PTPRD: variants seen among roughly 807,000 people sequenced by gnomAD.
PTPRD encodes protein tyrosine phosphatase receptor type D.
In PTPRD, 34 loss-of-function variants were observed where a neutral mutation model predicts 214.5. The observed-to-expected ratio is 0.16, with a 90% confidence interval of 0.12 to 0.21. PTPRD has a LOEUF of 0.21. Ranked by LOEUF, PTPRD falls within the 10% of genes least tolerant of loss-of-function variation. PTPRD has a pLI of 1.00. For synonymous variants in PTPRD, 1,128 were observed against 845.7 expected, an observed-to-expected ratio of 1.33 and a Z score of -5.79; for missense variants, 2,545 against 2,398.7, an observed-to-expected ratio of 1.06 and a Z score of -1.27.
chr9:8,595,303 A>G (rs143444072), intron 14 of PTPRD, among the ~76,000 whole-genome samples: 252 of 152,192 alleles, frequency 1.7e-3, no homozygotes, highest in African/African-American at 5.8e-3. Context: ...ATAGTTTTTT[A>G]AAAAACAAGA....
intron 9 of PTPRD, among the ~76,000 whole-genome samples, chr9:9,195,941 C>T (rs2099938334): frequency 6.6e-6 from 1 of 152,010 alleles, no homozygotes; most frequent in Admixed American, 6.6e-5. Flanking sequence ...TTTTAAAAAT[C>T]TGAGAATTCT....
Position 10,395,099 on chromosome 9 carries a change from T to TTTA in PTPRD, c.-599-54085_-599-54083dup, listed in dbSNP as rs548830859. 1.8e-3 allele frequency among the ~76,000 whole-genome samples: 273 copies of TTTA among 151,238 alleles called. 2 individuals carry two copies. Among genetic ancestry groups the TTTA allele is most frequent in the Admixed American group, 4.8e-3 (72 of 15,124 alleles). On this transcript the variant is annotated intron_variant, in intron 2 of 45. Transcript: ENST00000381196. ...AACCTCTATTTCTGCAGGCTTTCTT[T>TTTA]TTATTATTATTATTATTATACTTAA...
chr9:9,112,057 C>G (rs1451247953), intron 10 of PTPRD, among the ~76,000 whole-genome samples: 3 of 152,166 alleles, frequency 2.0e-5, no homozygotes, highest in Admixed American at 6.6e-5. Context: ...ACCTCCTCTG[C>G]TTTTACTGCT....
intron 9 of PTPRD, among the ~76,000 whole-genome samples, chr9:9,186,483 C>A (rs527576843): frequency 1.3e-5 from 2 of 152,114 alleles, no homozygotes; most frequent in East Asian, 1.9e-4. Flanking sequence ...TTGTGGCATG[C>A]ACTTGTAGTC....
chr9:8,756,879 G>A (rs894810478), intron 11 of PTPRD, among the ~76,000 whole-genome samples: 1 of 152,130 alleles, frequency 6.6e-6, no homozygotes, highest in Non-Finnish European at 1.5e-5. Context: ...TGTGGCTCAA[G>A]CATGTAATCC....
chr9:9,719,798 C>A (rs551987083), intron 7 of PTPRD, among the ~76,000 whole-genome samples: 2 of 152,172 alleles, frequency 1.3e-5, no homozygotes, highest in Admixed American at 6.5e-5. Flanking sequence ...CGCTTTCAGG[C>A]GCACTGCATT....
rs1567273402 is a variant in PTPRD at position 8,964,213 on chromosome 9, T to TTTTTTTTTTTTTTTTTTA, written c.-104+54483_-104+54484insTAAAAAAAAAAAAAAAAA. ...CTGTGTTTTTTTTTTTTTTTTTTTT[T>TTTTTTTTTTTTTTTTTTA]TTTTGCTGATTCAATTTTGGAACTT... On this transcript the variant is annotated intron_variant, in intron 11 of 45. Coordinates refer to ENST00000381196, the MANE Select transcript of PTPRD (RefSeq NM_002839.4). Among the ~76,000 whole-genome samples the TTTTTTTTTTTTTTTTTTA allele has an allele frequency of 4.1e-5, 6 of 146,546 alleles. 1 individual carries two copies. Among genetic ancestry groups the TTTTTTTTTTTTTTTTTTA allele is most frequent in the Non-Finnish European group, 7.5e-5 (5 of 66,648 alleles).
chr9:8,701,705 C>T (rs151204101), intron 12 of PTPRD, among the ~76,000 whole-genome samples: 126 of 152,242 alleles, frequency 8.3e-4, no homozygotes, highest in African/African-American at 2.6e-3. Flanking sequence ...TCCTTTGTCA[C>T]CCTTGGATGC....
chr9:8,703,777 A>G (rs1008355645), intron 12 of PTPRD, among the ~76,000 whole-genome samples: 3 of 152,084 alleles, frequency 2.0e-5, no homozygotes, highest in Admixed American at 2.0e-4. Context: ...TCCCCAGCCC[A>G]GTTTTCTGAG....
intron 7 of PTPRD, among the ~76,000 whole-genome samples, chr9:9,608,443 G>A (rs1283424576): frequency 6.6e-6 from 1 of 152,132 alleles, no homozygotes; most frequent in Non-Finnish European, 1.5e-5. Context: ...AAAAAGCTGA[G>A]TGACTCCTCA....
At position 8,486,438 on chromosome 9, in the gene PTPRD, G is replaced by C. The variant is rs554469965; in HGVS notation, c.2468-89C>G. 8.6e-5 allele frequency: 97 copies of C among 1,130,568 alleles called. No individual in the cohort carries two copies. The East Asian group carries it at 2.0e-3, about 24-fold the overall frequency. The allele number at this position is 1,130,568 out of a possible 1,614,324, so 70.0% of individuals were successfully genotyped here. A position where few individuals can be genotyped will look rare whatever the true frequency, so the allele number is the denominator to read the frequency against. On this transcript the variant is annotated intron_variant, in intron 27 of 45. Transcript: ENST00000381196. ...CAAATGAGGGAGTTCCACTCTACTG[G>C]TATTCCCATTTTCTTACTTACCAAA...
chr9:10,532,204 G>C (rs181798455), intron 2 of PTPRD: 69 of 152,132 alleles, frequency 4.5e-4, no homozygotes, highest in African/African-American at 1.6e-3. Flanking sequence ...TGTATGTCAC[G>C]ACAGTGGGGA....
chr9:9,928,787 C>CACAA (rs1367819568), intron 5 of PTPRD, among the ~76,000 whole-genome samples: 3 of 151,674 alleles, frequency 2.0e-5, no homozygotes, highest in Non-Finnish European at 4.4e-5. Context: ...CACACACACA[C>CACAA]AATTTGCATT....
At chr9:9,840,631 C>T (rs955453596) in intron 5 of PTPRD, among the ~76,000 whole-genome samples, 20 of 151,508 alleles carry the variant, frequency 1.3e-4, no homozygotes, top group Non-Finnish European at 1.9e-4. Flanking sequence ...GGCGTGGTGG[C>T]GCGTGCCTGT....
intron 11 of PTPRD, among the ~76,000 whole-genome samples, chr9:8,848,707 C>A (rs534764591): frequency 2.0e-5 from 3 of 152,040 alleles, no homozygotes; most frequent in African/African-American, 7.2e-5. Context: ...ATGTCATATA[C>A]AAGAGTGAGG....
intron 2 of PTPRD, among the ~76,000 whole-genome samples, chr9:10,375,561 C>G (rs2097712063): frequency 6.6e-6 from 1 of 151,954 alleles, no homozygotes; most frequent in East Asian, 1.9e-4. Flanking sequence ...TATGTTCTAT[C>G]TTTGCTAATC....
chr9:10,452,722 A>G (rs1056769121), intron 2 of PTPRD, among the ~76,000 whole-genome samples: 10 of 151,594 alleles, frequency 6.6e-5, no homozygotes, highest in Non-Finnish European at 1.0e-4. Flanking sequence ...TATATTTTGG[A>G]TTTTGCCTCA....
At chr9:9,435,670 TTATC>T (rs1283814291) in intron 8 of PTPRD, among the ~76,000 whole-genome samples, 3 of 152,140 alleles carry the variant, frequency 2.0e-5, no homozygotes, top group African/African-American at 7.2e-5. Context: ...TATATCATAT[TTATC>T]TATGAATTAT....
At chr9:9,188,711 T>A (rs7038028) in intron 9 of PTPRD, among the ~76,000 whole-genome samples, 7,139 of 151,888 alleles carry the variant, frequency 0.047, 461 homozygotes, top group African/African-American at 0.15. Context: ...AGTAGGGAGA[T>A]CCTTGAAGGA....
Sources: allele counts gnomAD v4.1 joint callset (sites outside exome capture counted in the v4.1 genomes callset), GRCh38; gene constraint gnomAD v4.1.1; transcripts MANE v1.5; gene names NCBI Gene and HGNC (gene_info 2026-07-23, HGNC 2026-07-21).